The following TRPM6 variants were observed in gnomAD, a reference collection of about 807,000 sequenced individuals.
TRPM6 encodes channel kinase 2.
In TRPM6, 111 loss-of-function variants were observed where a neutral mutation model predicts 247.6. The ratio of observed to expected loss-of-function variants is 0.45; its 90% confidence interval spans 0.38 to 0.52. TRPM6 has a LOEUF of 0.52. Among genes scored for constraint, TRPM6 ranks in the 20% least tolerant of loss-of-function variants. The pLI is 0.00. For synonymous variants in TRPM6, 892 were observed against 853.8 expected, an observed-to-expected ratio of 1.04 and a Z score of -0.78; for missense variants, 2,126 against 2,421.5, an observed-to-expected ratio of 0.88 and a Z score of 2.56.
Position 74,792,656 on chromosome 9 carries a change from T to C in TRPM6, c.2506A>G (p.Ser836Gly), listed in dbSNP as rs1160748872. ...AACCAAAACTTGACAATTGGAGCAC[T>C]GTAGAACTCATAGACTTTCCTGGTC... Reference protein sequence around the residue: ...PWTRKVYEFYSAPIVKFWFYT... With the variant: ...PWTRKVYEFYGAPIVKFWFYT... Residue 836 changes from serine (S) to glycine (G), a missense_variant, in exon 19 of 39, where the codon AGT (serine) becomes GGT (glycine). By Grantham distance (56) the Ser-to-Gly change is moderately conservative. Coordinates refer to ENST00000360774, the MANE Select transcript of TRPM6 (RefSeq NM_017662.5). 3 of 1,614,058 alleles carry C rather than the reference T, an allele frequency of 1.9e-6. No individual in the cohort carries two copies. The highest frequency in any genetic ancestry group is 4.5e-5 in the East Asian group (2 of 44,890).
intron 27 of TRPM6, among the ~76,000 whole-genome samples, chr9:74,759,507 C>A (rs955279436): frequency 6.6e-6 from 1 of 151,776 alleles, no homozygotes; most frequent in Non-Finnish European, 1.5e-5. Context: ...TGGTCAAGAA[C>A]AGAATTGAAA....
At position 74,742,937 on chromosome 9, in the gene TRPM6, G is replaced by A. The variant is rs186787453; in HGVS notation, c.5135-311C>T. Among the ~76,000 whole-genome samples, 247 of 152,230 alleles carry A rather than the reference G, an allele frequency of 1.6e-3. 1 individual carries two copies. The highest frequency in any genetic ancestry group is 2.1e-4 in the Non-Finnish European group (14 of 68,018). ...CATATGTGGAACTTTCTTTTAAATGGCATTTTAATCCGTGGACTTTGGTTT... is the reference window on the plus strand; with the variant it reads ...CATATGTGGAACTTTCTTTTAAATGACATTTTAATCCGTGGACTTTGGTTT... On this transcript the variant is annotated intron_variant, in intron 32 of 38. Transcript: ENST00000360774.
intron 19 of TRPM6, among the ~76,000 whole-genome samples, chr9:74,789,960 CAAAAAAAAAAAA>C (rs71368680): frequency 0.43 from 28,374 of 65,338 alleles, 3,360 homozygotes; most frequent in South Asian, 0.54. Flanking sequence ...GACTCCATCT[CAAAAAAAAAAAA>C]AAAAAAAAAA....
intron 4 of TRPM6, 109 bp downstream of exon 4, chr9:74,842,057 G>A (rs917597785): frequency 1.4e-4 from 168 of 1,218,976 alleles, no homozygotes; most frequent in Non-Finnish European, 1.9e-4. Flanking sequence ...GTTGCAGTGC[G>A]CCGAGATCGT....
chr9:74,796,927 G>A (rs746157903), intron 17 of TRPM6, 34 bp from the exon 18 acceptor site: 8 of 1,583,228 alleles, frequency 5.1e-6, no homozygotes, highest in Middle Eastern at 3.4e-4. Context: ...CAAAGTAGTA[G>A]GGACTACAAA....
At chr9:74,844,277 T>A (rs1013559991) in intron 3 of TRPM6, among the ~76,000 whole-genome samples, 2 of 152,194 alleles carry the variant, frequency 1.3e-5, no homozygotes, top group Non-Finnish European at 2.9e-5. Flanking sequence ...TCCTTTGAAG[T>A]TTTGAAGCCA....
chr9:74,839,924 A>C, intron 5 of TRPM6, 100 bp downstream of exon 5: 1 of 404,962 alleles, frequency 2.5e-6, no homozygotes, highest in Non-Finnish European at 3.9e-6. Flanking sequence ...GAGGGAAAGA[A>C]AAGAAAAGAA....
At position 74,800,283 on chromosome 9, in the gene TRPM6, G is replaced by A. The variant is rs777278152; in HGVS notation, c.2209C>T (p.Leu737=). The change falls in exon 17 of 39, where the codon CTG becomes TTG. Residue 737 remains leucine, a synonymous_variant. Coordinates refer to ENST00000360774, the MANE Select transcript of TRPM6 (RefSeq NM_017662.5). ...MLLTDMWMGR[L]KMRKNSWLKI... is the part of the protein sequence containing the mutation. ...AACCAAGAGTTTTTCCTCATTTTCA[G>A]CCTCCCCATCCACATGTCTGTCAGT... 7 of 1,613,922 alleles carry A rather than the reference G, an allele frequency of 4.3e-6. No homozygotes were observed. The highest frequency in any genetic ancestry group is 5.9e-6 in the Non-Finnish European group (7 of 1,180,008).
rs917596461 is a variant in TRPM6, at chr9:74,804,740, T to C, written c.1639-854A>G. 6.1e-6 allele frequency: 5 copies of C among 822,194 alleles called. No individual in the cohort carries two copies. In the African/African-American group the frequency reaches 6.7e-5, roughly 11 times the overall value. The allele number at this position is 822,194 out of a possible 1,614,324, so 50.9% of individuals were successfully genotyped here. On this transcript the variant is annotated intron_variant, in intron 14 of 38. Transcript: ENST00000360774. ...CTGCAGCTCCCACTGCTCAGGCCAC[T>C]GAATGGGTAGAAGCAACCACTGAAT...
intron 7 of TRPM6, among the ~76,000 whole-genome samples, chr9:74,822,905 T>A (rs1316312340): frequency 2.0e-5 from 3 of 152,118 alleles, no homozygotes; most frequent in African/African-American, 7.2e-5. Context: ...GTATAGCATG[T>A]TATATAAATG....
At chr9:74,830,179 C>A (rs569208545) in intron 6 of TRPM6, among the ~76,000 whole-genome samples, 1 of 151,950 alleles carries the variant, frequency 6.6e-6, no homozygotes, top group Non-Finnish European at 1.5e-5. Context: ...AGTCTAAAAT[C>A]CCTGCTTGAA....
At chr9:74,852,389 T>C (rs1031784993) in intron 3 of TRPM6, among the ~76,000 whole-genome samples, 2 of 151,506 alleles carry the variant, frequency 1.3e-5, no homozygotes, top group African/African-American at 2.4e-5. Context: ...AAAAAAATTG[T>C]ATAAATGCAT....
At chr9:74,886,888 A>T (rs777540825) in intron 1 of TRPM6, among the ~76,000 whole-genome samples, 1 of 152,234 alleles carries the variant, frequency 6.6e-6, no homozygotes, top group East Asian at 1.9e-4. Context: ...GCTCCAGAGC[A>T]TATGTTCTTA....
intron 33 of TRPM6, among the ~76,000 whole-genome samples, chr9:74,740,958 C>A (rs1019469985): frequency 2.0e-5 from 3 of 152,008 alleles, no homozygotes; most frequent in African/African-American, 7.3e-5. Flanking sequence ...TACCCCAGAG[C>A]CTCTCCTTCC....
At chr9:74,737,759 C>T (rs982693429) in intron 36 of TRPM6, among the ~76,000 whole-genome samples, 5 of 152,180 alleles carry the variant, frequency 3.3e-5, no homozygotes, top group Admixed American at 3.3e-4. Flanking sequence ...AAAACCAAAG[C>T]CCTAGTCAGT....
chr9:74,821,171 G>C (rs1829117997), intron 8 of TRPM6, among the ~76,000 whole-genome samples: 2 of 152,206 alleles, frequency 1.3e-5, no homozygotes, highest in Non-Finnish European at 2.9e-5. Context: ...ACACTGGCTA[G>C]AGGGATGGCA....
chr9:74,770,623 T>G (rs1390744398), intron 25 of TRPM6, among the ~76,000 whole-genome samples: 1 of 152,106 alleles, frequency 6.6e-6, no homozygotes, highest in Non-Finnish European at 1.5e-5. Flanking sequence ...CCGACGACTC[T>G]GCCTCGAGAC....
intron 27 of TRPM6, among the ~76,000 whole-genome samples, chr9:74,759,352 A>T (rs1332994891): frequency 6.6e-6 from 1 of 152,132 alleles, no homozygotes; most frequent in Non-Finnish European, 1.5e-5. Flanking sequence ...CTCAAAATTT[A>T]TTATAAAGTT....
chr9:74,842,316 G>T lies in TRPM6; in HGVS notation c.180C>A (p.Asp60Glu), dbSNP rs144844971. Residue 60 changes from aspartate to glutamate, a missense_variant, in exon 4 of 39, where the codon GAC (aspartate) becomes GAA (glutamate). Physicochemically the swap from Asp to Glu is conservative, Grantham distance 45. This residue lies in a region of TRPM6 where 1,082 missense variants were observed against 1,307.9 expected (regional missense o/e 0.83). Coordinates refer to ENST00000360774, the MANE Select transcript of TRPM6 (RefSeq NM_017662.5). ...TCCAGGAATAATCTATCCCAGCATG[G>T]TCTCCAATCAGTCGGCCACAGTAAC... ...IRCYCGRLIG[D>E]HAGIDYSWTI... 1.5e-5 allele frequency: 25 copies of T among 1,613,818 alleles called. No homozygotes were observed. The African/African-American group carries it at 3.3e-4, about 22-fold the overall frequency.
Sources: gnomAD v4.1 joint callset for allele counts (sites outside exome capture counted in the v4.1 genomes callset) on GRCh38, gnomAD v4.1.1 for gene constraint, gnomAD v4.1.1 regional missense constraint, MANE v1.5 for transcripts, NCBI Gene and HGNC (gene_info 2026-07-23, HGNC 2026-07-21) for gene names.